NEIL2: variants seen among roughly 807,000 people sequenced by gnomAD.
The protein encoded by NEIL2 is nei like DNA glycosylase 2, also known as endonuclease 8-like 2.
A neutral mutation model predicts 22.2 loss-of-function variants in NEIL2; 23 were observed. That is an observed-to-expected ratio of 1.04 (90% confidence interval 0.75 to 1.47). The LOEUF (loss-of-function observed/expected upper bound fraction) is 1.47. Among genes scored for constraint, NEIL2 ranks in the 40% most tolerant of loss-of-function variants. The pLI, the probability that NEIL2 is intolerant of heterozygous loss-of-function variation, is 0.00. For missense variants in NEIL2, 583 were observed against 404.7 expected, an observed-to-expected ratio of 1.44 and a Z score of -3.78; for synonymous variants, 229 against 164.8, an observed-to-expected ratio of 1.39 and a Z score of -2.99.
In NEIL2 at chr8:11,786,628, GT is replaced by G. The variant is rs71539743; in HGVS notation, c.*371del. On this transcript the variant is annotated 3_prime_UTR_variant, in exon 5 of 5. Transcript: ENST00000284503. ...CAACATAGCTTTGCAGATGATGTGG[GT>G]TTTTTTTTTTTTTTTGGTTGTTTGT... 0.013 allele frequency: 2,719 copies of G among 213,904 alleles called. No homozygotes were observed. The highest frequency in any genetic ancestry group is 0.034 in the South Asian group (625 of 18,628). 13.3% of individuals were successfully genotyped at this position (213,904 alleles called of 1,614,324 possible). A position where few individuals can be genotyped will look rare whatever the true frequency, so the allele number is the denominator to read the frequency against.
At position 11,771,524 on chromosome 8, in the gene NEIL2, G is replaced by C. The variant is rs150931138; in HGVS notation, c.77G>C (p.Gly26Ala). The C allele has an allele frequency of 2.4e-4, 383 of 1,614,042 alleles. 2 individuals carry two copies. Among genetic ancestry groups the C allele is most frequent in the Non-Finnish European group, 2.4e-4 (289 of 1,180,010 alleles). Residue 26 changes from glycine to alanine, a missense_variant, in exon 2 of 5, where the codon GGG (glycine) becomes GCG (alanine). Gly to Ala is a moderately conservative substitution (Grantham distance 60). Coordinates refer to ENST00000284503, the MANE Select transcript of NEIL2 (RefSeq NM_145043.4). ...PFVGQQVVKTGGSSKKLQPAS... is the reference protein window; with the variant it reads ...PFVGQQVVKTAGSSKKLQPAS... ...GTGGGTCAGCAGGTGGTCAAGACAGGGGGCAGCAGTAAGAAGCTACAGCCC... is the reference window on the plus strand; with the variant it reads ...GTGGGTCAGCAGGTGGTCAAGACAGCGGGCAGCAGTAAGAAGCTACAGCCC...
At position 11,786,348 on chromosome 8, in the gene NEIL2, G is replaced by C. The variant is rs927773966; in HGVS notation, c.*75G>C. Reference sequence around the variant, plus strand: ...TCTAAGTGTCCAGAAAGGAGGATGTGGGCAGGGACGGGGTACAGAGGATAG... The same window carrying C: ...TCTAAGTGTCCAGAAAGGAGGATGTCGGCAGGGACGGGGTACAGAGGATAG... On this transcript the variant is annotated 3_prime_UTR_variant, in exon 5 of 5. Transcript: ENST00000284503. 7.1e-7 allele frequency: 1 copy of C among 1,413,020 alleles called. No individual in the cohort carries two copies. Among genetic ancestry groups the C allele is most frequent in the East Asian group, 2.5e-5 (1 of 40,814 alleles). The allele number at this position is 1,413,020 out of a possible 1,614,324, so 87.5% of individuals were successfully genotyped here. A position where few individuals can be genotyped will look rare whatever the true frequency, so the allele number is the denominator to read the frequency against.
At chr8:11,778,465 A>G (rs377622992) in intron 2 of NEIL2, among the ~76,000 whole-genome samples, 45 of 152,322 alleles carry the variant, frequency 3.0e-4, no homozygotes, top group African/African-American at 1.1e-3. Context: ...GTTAAAGATC[A>G]TACCAGAACA....
rs553210665 is a variant in NEIL2 at position 11,784,278 on chromosome 8, G to T, written c.688+879G>T. ...GAAGAGCCGTCGGAAGTGGCTTTTT[G>T]GGTATATATGGCAAGAGCTAACAGT... is the stretch of plus-strand genomic sequence containing the variant. On this transcript the variant is annotated intron_variant, in intron 4 of 4. Transcript: ENST00000284503. Among the ~76,000 whole-genome samples, 6 of 152,314 alleles carry T rather than the reference G, an allele frequency of 3.9e-5. No homozygotes were observed. The South Asian group carries it at 1.2e-3, about 32-fold the overall frequency.
intron 3 of NEIL2, among the ~76,000 whole-genome samples, chr8:11,781,491 C>A (rs558072337): frequency 6.6e-6 from 1 of 152,344 alleles, no homozygotes; most frequent in Non-Finnish European, 1.5e-5. Context: ...GAACCCCCAG[C>A]AAACCTGTCA....
At position 11,786,084 on chromosome 8, in the gene NEIL2, C is replaced by A. The variant is rs201286246; in HGVS notation, c.810C>A (p.Ala270=). Residue 270 remains alanine, a synonymous_variant, in exon 5 of 5, where the codon GCC becomes GCA. Coordinates refer to ENST00000284503, the MANE Select transcript of NEIL2 (RefSeq NM_145043.4). ...ATCACGTGGTGGAGTTCAGTACAGC[C>A]TGGCTGCAGGGCAAGTTCCAAGGCA... ...LVDHVVEFST[A]WLQGKFQGRP... The A allele has an allele frequency of 2.5e-6, 4 of 1,614,194 alleles. No homozygotes were observed. In the South Asian group the frequency reaches 3.3e-5, roughly 13 times the overall value.
chr8:11,773,817 T>C (rs981989387), intron 2 of NEIL2, among the ~76,000 whole-genome samples: 2 of 152,128 alleles, frequency 1.3e-5, no homozygotes, highest in Non-Finnish European at 2.9e-5. Flanking sequence ...CATAACAGAC[T>C]CAGAAAAATG....
intron 2 of NEIL2, among the ~76,000 whole-genome samples, chr8:11,772,370 T>C (rs1459482078): frequency 6.6e-6 from 1 of 152,180 alleles, no homozygotes; most frequent in Non-Finnish European, 1.5e-5. Flanking sequence ...TGGCTCTTCT[T>C]AGTGTTTCTG....
chr8:11,779,710 CG>C lies in NEIL2; in HGVS notation c.253del (p.Asp85ThrfsTer59), dbSNP rs765867002. On this transcript the variant is annotated frameshift_variant, in exon 3 of 5. Transcript: ENST00000284503. LOFTEE classifies it high-confidence loss of function. ...AAAGAAGTGCAGAAGGAAGGGGCTGCGGACCCAAAGCAGGTCGGGGAGCCCA... is the reference window on the plus strand; with the variant it reads ...AAAGAAGTGCAGAAGGAAGGGGCTGCGACCCAAAGCAGGTCGGGGAGCCCA... ...PQKEVQKEGA[A>X]DPKQVGEPSG... 8 of 1,614,130 alleles carry C rather than the reference CG, an allele frequency of 5.0e-6. No homozygotes were observed. Among genetic ancestry groups the C allele is most frequent in the Non-Finnish European group, 5.9e-6 (7 of 1,180,014 alleles).
rs1393976353 is a variant in NEIL2 at position 11,786,486 on chromosome 8, C to G, written c.*213C>G. 3.3e-6 allele frequency: 2 copies of G among 600,852 alleles called. No homozygotes were observed. Among genetic ancestry groups the G allele is most frequent in the Non-Finnish European group, 5.9e-6 (2 of 337,362 alleles). The allele number at this position is 600,852 out of a possible 1,614,324, so 37.2% of individuals were successfully genotyped here. A position where few individuals can be genotyped will look rare whatever the true frequency, so the allele number is the denominator to read the frequency against. The stretch of plus-strand genomic sequence containing the variant: ...CCTTTTCTAGTTCAGTTAATTCATC[C>G]TGTTGAATTGCACCATCGTGAAAGA... On this transcript the variant is annotated 3_prime_UTR_variant, in exon 5 of 5. Coordinates refer to ENST00000284503, the MANE Select transcript of NEIL2 (RefSeq NM_145043.4).
At chr8:11,773,415 G>T (rs2130446060) in intron 2 of NEIL2, among the ~76,000 whole-genome samples, 1 of 152,266 alleles carries the variant, frequency 6.6e-6, no homozygotes, top group South Asian at 2.1e-4. Flanking sequence ...GCGGGTCCCT[G>T]ACCCTAGGAA....
chr8:11,774,234 G>T (rs963908386), intron 2 of NEIL2, among the ~76,000 whole-genome samples: 10 of 152,150 alleles, frequency 6.6e-5, no homozygotes, highest in Admixed American at 1.3e-4. Context: ...AATTAGCTGG[G>T]CATGGTGGTG....
At chr8:11,779,295 C>G (rs200452325) in intron 2 of NEIL2, among the ~76,000 whole-genome samples, 4 of 152,204 alleles carry the variant, frequency 2.6e-5, no homozygotes, top group South Asian at 2.1e-4. Flanking sequence ...ATGTTCATTT[C>G]TTAGCTACTG....
intron 2 of NEIL2, among the ~76,000 whole-genome samples, chr8:11,777,918 C>CT (rs1296091589): frequency 1.2e-4 from 19 of 152,232 alleles, no homozygotes; most frequent in Non-Finnish European, 2.8e-4. Flanking sequence ...GTTGCCATCT[C>CT]TTACCACTGT....
At chr8:11,783,950 CTG>C (rs1179778394) in intron 4 of NEIL2, among the ~76,000 whole-genome samples, 3 of 152,226 alleles carry the variant, frequency 2.0e-5, no homozygotes, top group Non-Finnish European at 2.9e-5. Context: ...AGCAGTGAAA[CTG>C]TGAGCATTTC....
At chr8:11,782,636 C>A (rs982709500) in intron 3 of NEIL2, 21 of 183,382 alleles carry the variant, frequency 1.1e-4, no homozygotes, top group Non-Finnish European at 2.1e-4. Flanking sequence ...TTTATAGGTA[C>A]TCAAAGTATG....
At chr8:11,785,061 A>G (rs1249558654) in intron 4 of NEIL2, among the ~76,000 whole-genome samples, 2 of 152,224 alleles carry the variant, frequency 1.3e-5, no homozygotes, top group East Asian at 1.9e-4. Flanking sequence ...TAGAGACAAG[A>G]AGCTCTCACT....
intron 4 of NEIL2, among the ~76,000 whole-genome samples, chr8:11,783,702 C>T (rs8191646): frequency 2.6e-5 from 4 of 152,238 alleles, no homozygotes; most frequent in Admixed American, 6.5e-5. Context: ...TCCGGCACCT[C>T]TGTACCCTCC....
intron 2 of NEIL2, among the ~76,000 whole-genome samples, chr8:11,776,443 A>C (rs1803909830): frequency 6.6e-6 from 1 of 152,238 alleles, no homozygotes; most frequent in South Asian, 2.1e-4. Flanking sequence ...TCCAGTCATC[A>C]GTTGTTGGAC....
Sources: gnomAD v4.1 joint callset for allele counts (sites outside exome capture counted in the v4.1 genomes callset) on GRCh38, gnomAD v4.1.1 for gene constraint, MANE v1.5 for transcripts, NCBI Gene and HGNC (gene_info 2026-07-23, HGNC 2026-07-21) for gene names.